FAM117B: variants seen among roughly 807,000 people sequenced by gnomAD.
The protein encoded by FAM117B is family with sequence similarity 117 member B.
A neutral mutation model predicts 52.8 loss-of-function variants in FAM117B; 22 were observed. The observed-to-expected ratio is 0.42, with a 90% CI of 0.30 to 0.59. The LOEUF (loss-of-function observed/expected upper bound fraction) is 0.59. Among genes scored for constraint, FAM117B ranks in the 20% least tolerant of loss-of-function variants. The pLI is 0.22. For missense variants in FAM117B, 678 were observed against 802.6 expected (o/e 0.84, Z 1.88); for synonymous variants, 309 against 324.1 (o/e 0.95, Z 0.50).
intron 4 of FAM117B, among the ~76,000 whole-genome samples, chr2:202,729,675 T>A (rs1186596276): frequency 6.6e-6 from 1 of 152,164 alleles, no homozygotes; most frequent in Non-Finnish European, 1.5e-5. Context: ...TGGAAAAGGA[T>A]GGAGTCATCT....
intron 1 of FAM117B, among the ~76,000 whole-genome samples, chr2:202,667,446 A>G (rs74911335): frequency 0.089 from 13,562 of 151,568 alleles, 2,030 homozygotes; most frequent in African/African-American, 0.31. Context: ...AGCTTTGTGT[A>G]TGTGTGTCTG....
intron 1 of FAM117B, among the ~76,000 whole-genome samples, chr2:202,656,633 G>A (rs965442140): frequency 3.3e-5 from 5 of 152,102 alleles, no homozygotes; most frequent in African/African-American, 9.7e-5. Flanking sequence ...GATCTACTTT[G>A]ATAAATGTTT....
At chr2:202,672,002 T>C (rs1026425600) in intron 1 of FAM117B, among the ~76,000 whole-genome samples, 8 of 152,118 alleles carry the variant, frequency 5.3e-5, no homozygotes, top group African/African-American at 1.9e-4. Context: ...CAGCTTTAGG[T>C]GTGTTAGTTA....
intron 1 of FAM117B, among the ~76,000 whole-genome samples, chr2:202,646,900 ATAT>A (rs2105754503): frequency 6.6e-6 from 1 of 152,216 alleles, no homozygotes; most frequent in African/African-American, 2.4e-5. Flanking sequence ...TGCTAATGAG[ATAT>A]TATGTGATCT....
chr2:202,669,997 G>T (rs572465981), intron 1 of FAM117B, among the ~76,000 whole-genome samples: 1 of 152,264 alleles, frequency 6.6e-6, no homozygotes, highest in African/African-American at 2.4e-5. Flanking sequence ...ATTTGGGTCT[G>T]TTTGTTAGCT....
At chr2:202,641,437 A>G (rs888488703) in intron 1 of FAM117B, among the ~76,000 whole-genome samples, 2 of 152,200 alleles carry the variant, frequency 1.3e-5, no homozygotes, top group Admixed American at 6.5e-5. Flanking sequence ...TCCATGGTTA[A>G]TAGTATGTAC....
In FAM117B at chr2:202,734,386, T is replaced by C. The variant is rs547621140; in HGVS notation, c.960+8023T>C. 2.6e-5 allele frequency among the ~76,000 whole-genome samples: 4 copies of C among 152,180 alleles called. No homozygotes were observed. The East Asian group carries it at 7.7e-4, about 29-fold the overall frequency. ...AACAGCAACAACAAAAAACCCATAG[T>C]TGTACAATTTAAATGAGTGAATTGT... On this transcript the variant is annotated intron_variant, in intron 4 of 7. Coordinates refer to ENST00000392238, the MANE Select transcript of FAM117B (RefSeq NM_173511.4).
In FAM117B at chr2:202,766,102, A is replaced by ACACACCCC. The variant is rs1553526377; in HGVS notation, c.*339_*346dup. ...CACACACACACACACACACACACACACACACCCCTGATCCTTGCCAACATG... is the reference window on the plus strand; with the variant it reads ...CACACACACACACACACACACACACACACACCCCCACACCCCTGATCCTTGCCAACATG... On this transcript the variant is annotated 3_prime_UTR_variant, in exon 8 of 8. Coordinates refer to ENST00000392238, the MANE Select transcript of FAM117B (RefSeq NM_173511.4). 116 of 191,954 alleles carry ACACACCCC rather than the reference A, an allele frequency of 6.0e-4. No individual in the cohort carries two copies. The highest frequency in any genetic ancestry group is 5.2e-4 in the Non-Finnish European group (49 of 94,018). The allele number at this position is 191,954 out of a possible 1,614,324, so 11.9% of individuals were successfully genotyped here.
intron 1 of FAM117B, among the ~76,000 whole-genome samples, chr2:202,675,227 TAAA>T (rs540546949): frequency 4.2e-5 from 6 of 143,408 alleles, no homozygotes; most frequent in African/African-American, 1.0e-4. Flanking sequence ...CCCTGTCTCT[TAAA>T]AAAAAAAAAC....
intron 2 of FAM117B, among the ~76,000 whole-genome samples, chr2:202,712,533 C>T (rs1191420647): frequency 2.0e-5 from 3 of 149,908 alleles, no homozygotes; most frequent in South Asian, 4.2e-4. Flanking sequence ...GTTTGGGTGC[C>T]TATTATTTCA....
chr2:202,764,127 A>T (rs1449736815), intron 7 of FAM117B, among the ~76,000 whole-genome samples: 1 of 152,204 alleles, frequency 6.6e-6, no homozygotes, highest in African/African-American at 2.4e-5. Context: ...GAAGCTAGTT[A>T]TGTTGAAACA....
At chr2:202,727,397 T>C (rs1009458102) in intron 4 of FAM117B, among the ~76,000 whole-genome samples, 7 of 152,210 alleles carry the variant, frequency 4.6e-5, no homozygotes, top group African/African-American at 1.4e-4. Context: ...TGCTCCTTTT[T>C]GTGCCACAAA....
intron 6 of FAM117B, among the ~76,000 whole-genome samples, 194 bp from the exon 7 acceptor site, chr2:202,759,039 C>T (rs541664928): frequency 9.2e-5 from 14 of 152,284 alleles, no homozygotes; most frequent in African/African-American, 3.4e-4. Context: ...CAGGCCTAGG[C>T]TATGGTAATT....
intron 1 of FAM117B, among the ~76,000 whole-genome samples, chr2:202,688,780 C>T (rs1375844465): frequency 6.6e-5 from 10 of 151,992 alleles, no homozygotes; most frequent in Admixed American, 6.6e-4. Context: ...AAAATTTTTT[C>T]AGTAAAAGGC....
chr2:202,742,709 A>G (rs1691566155), intron 4 of FAM117B, among the ~76,000 whole-genome samples: 1 of 152,178 alleles, frequency 6.6e-6, no homozygotes, highest in South Asian at 2.1e-4. Flanking sequence ...AACATTATAA[A>G]CCAAGTATAA....
chr2:202,755,511 C>G, intron 4 of FAM117B, 27 bp from the exon 5 acceptor site: 2 of 1,609,492 alleles, frequency 1.2e-6, no homozygotes, highest in East Asian at 2.2e-5. Flanking sequence ...AATGTTAAGC[C>G]TCTCTTCTCC....
chr2:202,650,798 T>C (rs1247679084), intron 1 of FAM117B, among the ~76,000 whole-genome samples: 1 of 151,990 alleles, frequency 6.6e-6, no homozygotes, highest in Non-Finnish European at 1.5e-5. Context: ...GCCGGAAGAC[T>C]CAGCAAGTCC....
chr2:202,719,430 G>A (rs1459050265), intron 2 of FAM117B, among the ~76,000 whole-genome samples: 7 of 152,110 alleles, frequency 4.6e-5, no homozygotes, highest in Non-Finnish European at 1.0e-4. Context: ...CAGAAAAGTT[G>A]CAAGGATATT....
chr2:202,650,160 C>A (rs1343310630), intron 1 of FAM117B, among the ~76,000 whole-genome samples: 1 of 151,796 alleles, frequency 6.6e-6, no homozygotes, highest in Non-Finnish European at 1.5e-5. Flanking sequence ...GCCTTAATTT[C>A]TTTGTTTGAA....
Sources: allele counts gnomAD v4.1 joint callset (sites outside exome capture counted in the v4.1 genomes callset), GRCh38; gene constraint gnomAD v4.1.1; transcripts MANE v1.5; gene names NCBI Gene and HGNC (gene_info 2026-07-23, HGNC 2026-07-21).